The following RMDN3 variants were observed in gnomAD, a reference collection of about 807,000 sequenced individuals.
RMDN3 encodes the protein regulator of microtubule dynamics protein 3.
RMDN3 carries 41 observed loss-of-function variants against 61.8 expected under a neutral mutation model. That is an observed-to-expected ratio of 0.66 (90% confidence interval 0.52 to 0.86). The LOEUF is 0.86. RMDN3 is among the 40% of genes least tolerant of loss of function. The probability of loss-of-function intolerance (pLI) is 0.00; values close to 1 mark genes in which losing one functional copy is unlikely to be tolerated. For missense variants in RMDN3, 557 were observed against 585.3 expected, an observed-to-expected ratio of 0.95 and a Z score of 0.50; for synonymous variants, 247 against 232.0, an observed-to-expected ratio of 1.06 and a Z score of -0.59.
At position 40,745,077 on chromosome 15, in the gene RMDN3, T is replaced by G; in HGVS notation, c.707A>C (p.Glu236Ala). The change falls in exon 5 of 13, where the codon GAG (glutamate) becomes GCG (alanine). Residue 236 changes from glutamate to alanine, a missense_variant. By Grantham distance (107) the Glu-to-Ala change is moderately radical. Transcript: ENST00000338376. ...ALEAGGSSGL[E>A]DVLPLLQQAD... Reference sequence around the variant, plus strand: ...CTGCTGCAGGAGGGGCAGCACATCCTCCAAGCCTGAGGAACCTCCAGCCTC... The same window carrying G: ...CTGCTGCAGGAGGGGCAGCACATCCGCCAAGCCTGAGGAACCTCCAGCCTC... 6.2e-7 allele frequency: 1 copy of G among 1,614,062 alleles called. No homozygotes were observed. The highest frequency in any genetic ancestry group is 8.5e-7 in the Non-Finnish European group (1 of 1,179,992).
intron 2 of RMDN3, among the ~76,000 whole-genome samples, chr15:40,753,949 T>C (rs1445601112): frequency 6.6e-6 from 1 of 152,218 alleles, no homozygotes; most frequent in Admixed American, 6.5e-5. Flanking sequence ...AAGATTATTC[T>C]TTTTGCCCTC....
chr15:40,737,545 C>T (rs62018580), intron 10 of RMDN3, 83 bp downstream of exon 10: 14 of 1,325,580 alleles, frequency 1.1e-5, no homozygotes, highest in African/African-American at 1.5e-5. Context: ...AGGAAAACCC[C>T]TCCCATTAAG....
At chr15:40,743,903 T>C in intron 6 of RMDN3, 144 bp downstream of exon 6, 1 of 620,972 alleles carries the variant, frequency 1.6e-6, no homozygotes, top group Non-Finnish European at 2.8e-6. Context: ...CAAGGGTCTT[T>C]GGGAGCCAGA....
At position 40,754,736 on chromosome 15, in the gene RMDN3, C is replaced by G; in HGVS notation, c.48G>C (p.Leu16=). The part of the protein sequence containing the change: ...ALGGARAGLG[L]LLGTAAGLGF... ...CAAGGCCGGCGGCGGTACCCAGCAACAGTCCCAGCCCGGCACGGGCACCAC... is the reference window on the plus strand; with the variant it reads ...CAAGGCCGGCGGCGGTACCCAGCAAGAGTCCCAGCCCGGCACGGGCACCAC... Residue 16 remains leucine, a synonymous_variant, in exon 2 of 13, where the codon CTG becomes CTC. Coordinates refer to ENST00000338376, the MANE Select transcript of RMDN3 (RefSeq NM_018145.3). 1.2e-6 allele frequency: 2 copies of G among 1,613,028 alleles called. No homozygotes were observed. Among genetic ancestry groups the G allele is most frequent in the Non-Finnish European group, 8.5e-7 (1 of 1,179,780 alleles).
intron 2 of RMDN3, 75 bp downstream of exon 2, chr15:40,754,522 G>T: frequency 7.1e-7 from 1 of 1,411,902 alleles, no homozygotes; most frequent in South Asian, 1.4e-5. Context: ...CTGTCCCACA[G>T]TCTCCACCGA....
intron 2 of RMDN3, among the ~76,000 whole-genome samples, chr15:40,753,115 A>G (rs537852525): frequency 6.6e-6 from 1 of 152,354 alleles, no homozygotes; most frequent in African/African-American, 2.4e-5. Context: ...AATGCTGACA[A>G]TCATTTGCAA....
At chr15:40,754,513 T>A in intron 2 of RMDN3, 84 bp downstream of exon 2, 1 of 1,355,208 alleles carries the variant, frequency 7.4e-7, no homozygotes. Context: ...TCCGTTACCC[T>A]GTCCCACAGT....
intron 5 of RMDN3, among the ~76,000 whole-genome samples, chr15:40,744,504 G>C (rs191642646): frequency 1.6e-3 from 239 of 152,000 alleles, no homozygotes; most frequent in Admixed American, 4.7e-3. Flanking sequence ...AACTTCTGGG[G>C]GGGGGGCATT....
At chr15:40,754,286 C>T (rs891666723) in intron 2 of RMDN3, among the ~76,000 whole-genome samples, 11 of 152,040 alleles carry the variant, frequency 7.2e-5, no homozygotes, top group African/African-American at 2.7e-4. Flanking sequence ...CGCGCCACCA[C>T]GCCCGGCTAA....
intron 6 of RMDN3, among the ~76,000 whole-genome samples, chr15:40,740,443 G>A (rs147300675): frequency 0.026 from 4,016 of 152,142 alleles, 171 homozygotes; most frequent in African/African-American, 0.093. Flanking sequence ...GTCAGGAGTC[G>A]GAGACCAGCC....
In RMDN3 at chr15:40,737,124, C is replaced by T; in HGVS notation, c.1359G>A (p.Glu453=). The T allele has an allele frequency of 6.2e-7, 1 of 1,613,850 alleles. No individual in the cohort carries two copies. Among genetic ancestry groups the T allele is most frequent in the Non-Finnish European group, 8.5e-7 (1 of 1,179,704 alleles). The part of the protein sequence containing the change: ...LALELPDVTK[E]DLAIQKDLEE... ...AACAGGCAGTATTAAAAAGCCTTAC[C>T]TCCTTCGTGACATCTGGCAGCTCCA... The change falls in exon 12 of 13, where the codon GAG becomes GAA. Residue 453 remains glutamate, a splice_region_variant and synonymous_variant. Coordinates refer to ENST00000338376, the MANE Select transcript of RMDN3 (RefSeq NM_018145.3).
chr15:40,743,039 T>C (rs1427545330), intron 6 of RMDN3, among the ~76,000 whole-genome samples: 7 of 152,228 alleles, frequency 4.6e-5, no homozygotes, highest in Non-Finnish European at 7.3e-5. Context: ...AATGTTAACT[T>C]TGAGGTACTG....
rs71428308 is a variant in RMDN3 at position 40,754,127 on chromosome 15, CTTTT to C, written c.187+466_187+469del. Among the ~76,000 whole-genome samples the C allele has an allele frequency of 7.1e-3, 876 of 123,786 alleles. 9 individuals are homozygous for C. Among genetic ancestry groups the C allele is most frequent in the Admixed American group, 0.031 (373 of 12,076 alleles). 81.2% of individuals were successfully genotyped at this position (123,786 alleles called of 152,430 possible). On this transcript the variant is annotated intron_variant, in intron 2 of 12. Coordinates refer to ENST00000338376, the MANE Select transcript of RMDN3 (RefSeq NM_018145.3). ...GAAAGAGTAGAGAAAACCACGACTGCTTTTTTTTTTTTTTTTTTTTTGAGACAGA... is the reference window on the plus strand; with the variant it reads ...GAAAGAGTAGAGAAAACCACGACTGCTTTTTTTTTTTTTTTTTGAGACAGA...
intron 6 of RMDN3, among the ~76,000 whole-genome samples, chr15:40,740,567 A>G (rs893749201): frequency 3.9e-5 from 6 of 152,014 alleles, no homozygotes; most frequent in Non-Finnish European, 7.4e-5. Flanking sequence ...AATCGCTTGA[A>G]CCCAGGAGGC....
intron 8 of RMDN3, 99 bp from the exon 9 acceptor site, chr15:40,738,141 C>G (rs1043827208): frequency 8.0e-7 from 1 of 1,255,642 alleles, no homozygotes; most frequent in Non-Finnish European, 1.2e-6. Context: ...AATCCCTGCA[C>G]TTTGGGAAGC....
intron 6 of RMDN3, among the ~76,000 whole-genome samples, chr15:40,741,646 T>TTTTTTTTTTTTTTTTTAAAA (rs1897287865): frequency 7.2e-6 from 1 of 138,114 alleles, no homozygotes; most frequent in Non-Finnish European, 1.5e-5. Flanking sequence ...TTTTTTTTTT[T>TTTTTTTTTTTTTTTTTAAAA]GAGACAAGAG....
At chr15:40,753,071 C>A (rs898548733) in intron 2 of RMDN3, among the ~76,000 whole-genome samples, 3 of 152,128 alleles carry the variant, frequency 2.0e-5, no homozygotes, top group African/African-American at 7.2e-5. Flanking sequence ...GGGAAGGAAG[C>A]ACACTCCAAT....
At chr15:40,745,289 G>C in intron 4 of RMDN3, 30 bp from the exon 5 acceptor site, 5 of 1,605,158 alleles carry the variant, frequency 3.1e-6, no homozygotes, top group Non-Finnish European at 4.2e-6. Flanking sequence ...GACAACAAGA[G>C]GATTATTCAG....
intron 2 of RMDN3, among the ~76,000 whole-genome samples, chr15:40,753,889 A>C (rs1170802722): frequency 1.3e-5 from 2 of 152,232 alleles, no homozygotes; most frequent in East Asian, 3.9e-4. Context: ...GTTGTCTTCA[A>C]ATTCTAATAT....
Sources: allele counts gnomAD v4.1 joint callset (sites outside exome capture counted in the v4.1 genomes callset), GRCh38; gene constraint gnomAD v4.1.1; transcripts MANE v1.5; gene names NCBI Gene and HGNC (gene_info 2026-07-23, HGNC 2026-07-21).